CDC42BPB: variants seen among roughly 807,000 people sequenced by gnomAD.
CDC42BPB encodes CDC42 binding protein kinase beta, also known as serine/threonine-protein kinase MRCK beta.
A neutral mutation model predicts 214.9 loss-of-function variants in CDC42BPB; 37 were observed. That is an observed-to-expected ratio of 0.17 (90% CI 0.13 to 0.23). The LOEUF is 0.23. Ranked by LOEUF, CDC42BPB falls within the 10% of genes least tolerant of loss-of-function variation. The pLI is 1.00. For synonymous variants in CDC42BPB, 931 were observed against 884.0 expected (o/e 1.05, Z -0.94); for missense variants, 1,694 against 2,227.0 (o/e 0.76, Z 4.82).
chr14:103,023,411 C>A (rs544683738), intron 1 of CDC42BPB, among the ~76,000 whole-genome samples: 1 of 152,290 alleles, frequency 6.6e-6, no homozygotes, highest in Non-Finnish European at 1.5e-5. Flanking sequence ...AGGTGATCCA[C>A]CTGCCTTGGC....
intron 2 of CDC42BPB, among the ~76,000 whole-genome samples, chr14:103,009,773 C>T (rs1158127838): frequency 6.6e-6 from 1 of 152,222 alleles, no homozygotes; most frequent in Non-Finnish European, 1.5e-5. Context: ...CTCCAAAGCC[C>T]CCATGCCTGG....
At chr14:103,053,329 A>G (rs1014044174) in intron 1 of CDC42BPB, among the ~76,000 whole-genome samples, 19 of 152,084 alleles carry the variant, frequency 1.2e-4, no homozygotes, top group African/African-American at 4.3e-4. Context: ...CCTGGGCAAC[A>G]GAGTGAGACT....
chr14:102,942,391 G>T (rs1441631061), intron 30 of CDC42BPB, among the ~76,000 whole-genome samples: 1 of 152,224 alleles, frequency 6.6e-6, no homozygotes, highest in African/African-American at 2.4e-5. Flanking sequence ...AGACAAAGGG[G>T]TTTAGCTTCA....
At chr14:103,050,007 G>A (rs1011413964) in intron 1 of CDC42BPB, among the ~76,000 whole-genome samples, 5 of 152,180 alleles carry the variant, frequency 3.3e-5, no homozygotes, top group African/African-American at 7.2e-5. Context: ...CAACACACCC[G>A]GCCATAACCT....
intron 1 of CDC42BPB, among the ~76,000 whole-genome samples, chr14:103,050,722 A>T (rs1050857361): frequency 3.2e-4 from 48 of 151,830 alleles, no homozygotes. Context: ...GAGCCACTAC[A>T]CTCCAGCCTG....
chr14:102,976,952 T>G (rs1430146230), intron 9 of CDC42BPB, among the ~76,000 whole-genome samples: 2 of 152,178 alleles, frequency 1.3e-5, no homozygotes, highest in African/African-American at 2.4e-5. Flanking sequence ...GAAAGCCTCC[T>G]GTGGGCTGGA....
intron 19 of CDC42BPB, 129 bp from the exon 20 acceptor site, chr14:102,963,284 C>CA (rs1893040914): frequency 2.2e-6 from 3 of 1,392,292 alleles, no homozygotes; most frequent in Non-Finnish European, 2.8e-6. Flanking sequence ...CACGGTAGCT[C>CA]ATGCTGGGCC....
At chr14:102,938,605 G>C (rs1891748051) in intron 34 of CDC42BPB, 194 bp from the exon 35 acceptor site, 2 of 957,534 alleles carry the variant, frequency 2.1e-6, no homozygotes, top group Admixed American at 6.2e-5. Flanking sequence ...TTCAGGGCAG[G>C]TCAAATCCTA....
At chr14:103,029,403 C>T (rs575047286) in intron 1 of CDC42BPB, among the ~76,000 whole-genome samples, 2 of 151,358 alleles carry the variant, frequency 1.3e-5, no homozygotes, top group South Asian at 2.1e-4. Context: ...ATTAGCTGGG[C>T]GTGGTGGCAG....
chr14:102,948,114 A>G lies in CDC42BPB; in HGVS notation c.3450-312T>C, dbSNP rs191840320. 6.5e-4 allele frequency: 129 copies of G among 199,986 alleles called. 3 individuals are homozygous for G. In the Admixed American group the frequency reaches 0.013, roughly 19 times the overall value. The allele number at this position is 199,986 out of a possible 1,614,324, so 12.4% of individuals were successfully genotyped here. A position where few individuals can be genotyped will look rare whatever the true frequency, so the allele number is the denominator to read the frequency against. On this transcript the variant is annotated intron_variant, in intron 26 of 36. Coordinates refer to ENST00000361246, the MANE Select transcript of CDC42BPB (RefSeq NM_006035.4). ...CTTGGCACAGCCAGGCAGTCCCTCC[A>G]ACAGCCAAGTGCAGAGGACAAGTGG... is the stretch of plus-strand genomic sequence containing the variant.
At position 102,939,944 on chromosome 14, in the gene CDC42BPB, G is replaced by A. The variant is rs202016085; in HGVS notation, c.4595C>T (p.Ala1532Val). The change falls in exon 33 of 37, where the codon GCG (alanine) becomes GTG (valine). Residue 1532 changes from alanine (A) to valine (V), a missense_variant. Around this residue, in one of 7 missense-constraint regions of CDC42BPB, gnomAD observed 567 missense variants for 790.3 expected, o/e 0.72. Coordinates refer to ENST00000361246, the MANE Select transcript of CDC42BPB (RefSeq NM_006035.4). ...GGAGGTGTCCGGCACGTTGAGAACC[G>A]CTCCTGCAGAAGCAGAGCGCGCGGT... is the stretch of plus-strand genomic sequence containing the variant. Reference protein sequence around the residue: ...LIYFKSKFSGAVLNVPDTSDN... With the variant: ...LIYFKSKFSGVVLNVPDTSDN... The A allele has an allele frequency of 1.4e-4, 223 of 1,613,876 alleles. No individual in the cohort carries two copies. The highest frequency in any genetic ancestry group is 1.6e-4 in the Middle Eastern group (1 of 6,062).
intron 12 of CDC42BPB, among the ~76,000 whole-genome samples, chr14:102,972,638 G>A (rs367976655): frequency 2.6e-4 from 37 of 141,328 alleles, no homozygotes; most frequent in South Asian, 1.4e-3. Context: ...GCAGTGAGCC[G>A]AGATTGTGCC....
At chr14:103,033,254 C>T (rs539675090) in intron 1 of CDC42BPB, among the ~76,000 whole-genome samples, 1 of 152,058 alleles carries the variant, frequency 6.6e-6, no homozygotes, top group Non-Finnish European at 1.5e-5. Flanking sequence ...CGGAGTATCG[C>T]TCTGTCACCC....
intron 1 of CDC42BPB, among the ~76,000 whole-genome samples, chr14:103,054,436 ATG>A (rs1234176679): frequency 6.6e-6 from 1 of 152,246 alleles, no homozygotes; most frequent in African/African-American, 2.4e-5. Context: ...GACAGCCTAT[ATG>A]TGTTTCCTGA....
intron 19 of CDC42BPB, 95 bp downstream of exon 19, chr14:102,964,407 C>A: frequency 6.8e-7 from 1 of 1,460,968 alleles, no homozygotes; most frequent in Non-Finnish European, 9.3e-7. Flanking sequence ...CCCCGATTTT[C>A]CAGGCGAGGA....
intron 1 of CDC42BPB, among the ~76,000 whole-genome samples, chr14:103,015,728 T>C (rs1030631122): frequency 6.6e-6 from 1 of 152,050 alleles, no homozygotes; most frequent in Non-Finnish European, 1.5e-5. Context: ...GAATTTTTAT[T>C]TGAGACAGAG....
intron 8 of CDC42BPB, among the ~76,000 whole-genome samples, chr14:102,980,527 A>G (rs1239579226): frequency 1.3e-5 from 2 of 152,188 alleles, no homozygotes; most frequent in Admixed American, 6.5e-5. Context: ...AAATAAAAGC[A>G]AAAGTATTTC....
intron 13 of CDC42BPB, among the ~76,000 whole-genome samples, chr14:102,970,998 ACAG>A (rs1893448131): frequency 6.6e-6 from 1 of 152,208 alleles, no homozygotes; most frequent in Non-Finnish European, 1.5e-5. Flanking sequence ...TCAACCATTC[ACAG>A]CAGAACACTC....
chr14:103,043,978 G>C (rs756640849), intron 1 of CDC42BPB, among the ~76,000 whole-genome samples: 4 of 152,110 alleles, frequency 2.6e-5, no homozygotes, highest in African/African-American at 7.2e-5. Context: ...AATATTTCTT[G>C]TTATGACACA....
Sources: allele counts gnomAD v4.1 joint callset (sites outside exome capture counted in the v4.1 genomes callset), GRCh38; gene constraint gnomAD v4.1.1; regional missense constraint gnomAD v4.1.1; transcripts MANE v1.5; gene names NCBI Gene and HGNC (gene_info 2026-07-23, HGNC 2026-07-21).